TRAK2: variants seen among roughly 807,000 people sequenced by gnomAD.
TRAK2 encodes trafficking kinesin protein 2, also known as trafficking kinesin-binding protein 2.
Under a neutral mutation model 104.6 loss-of-function variants are expected in TRAK2, and 81 were observed. That is an observed-to-expected ratio of 0.77 (90% CI 0.65 to 0.93). TRAK2 has a LOEUF of 0.93. Ranked by LOEUF, TRAK2 falls within the 40% of genes least tolerant of loss-of-function variation. The pLI, the probability that TRAK2 is intolerant of heterozygous loss-of-function variation, is 0.00. For synonymous variants in TRAK2, 406 were observed against 394.4 expected (o/e 1.03, Z -0.35); for missense variants, 1,002 against 1,089.0 (o/e 0.92, Z 1.12).
intron 3 of TRAK2, among the ~76,000 whole-genome samples, chr2:201,401,705 T>C (rs972931723): frequency 3.9e-5 from 6 of 152,104 alleles, no homozygotes; most frequent in African/African-American, 1.4e-4. Flanking sequence ...ATAAATTGTA[T>C]GCTACATTAT....
Position 201,380,745 on chromosome 2 carries a change from T to C in TRAK2, c.2543A>G (p.Lys848Arg), listed in dbSNP as rs1327142854. ...LKRLGIARVV[K>R]NPGAQENGRC... The stretch of plus-strand genomic sequence containing the variant: ...TCCATTCTCTTGGGCACCAGGGTTC[T>C]TGACCACTCTGGCTATCCCCAGTCT... Residue 848 changes from lysine to arginine, a missense_variant, in exon 16 of 16, where the codon AAG becomes AGG. Lys to Arg is a conservative substitution (Grantham distance 26). Transcript: ENST00000332624. The C allele has an allele frequency of 6.2e-7, 1 of 1,614,128 alleles. No homozygotes were observed. The highest frequency in any genetic ancestry group is 8.5e-7 in the Non-Finnish European group (1 of 1,180,002).
At chr2:201,418,836 G>A (rs1222300990) in intron 2 of TRAK2, among the ~76,000 whole-genome samples, 2 of 152,174 alleles carry the variant, frequency 1.3e-5, no homozygotes, top group Non-Finnish European at 1.5e-5. Flanking sequence ...TCTTAGAAAC[G>A]ACACAAAAAT....
intron 9 of TRAK2, among the ~76,000 whole-genome samples, chr2:201,394,350 T>TC (rs1211781224): frequency 2.7e-5 from 4 of 149,958 alleles, no homozygotes; most frequent in African/African-American, 9.7e-5. Context: ...TTTCTTTCTT[T>TC]TTTTTTTTTT....
At chr2:201,411,110 A>G in intron 2 of TRAK2, 1 of 982,430 alleles carries the variant, frequency 1.0e-6, no homozygotes, top group South Asian at 1.4e-5. Flanking sequence ...TACTTGAAGC[A>G]GAAGGTTTAG....
intron 1 of TRAK2, among the ~76,000 whole-genome samples, chr2:201,434,118 C>T (rs926747290): frequency 4.6e-5 from 7 of 152,122 alleles, no homozygotes; most frequent in South Asian, 2.1e-4. Flanking sequence ...CCACCGCGCC[C>T]GGCTAATTTT....
At chr2:201,411,935 T>C in intron 2 of TRAK2, 1 of 1,004,014 alleles carries the variant, frequency 1.0e-6, no homozygotes, top group Non-Finnish European at 1.6e-6. Flanking sequence ...CTCCTGGTAT[T>C]GAATGGAAGG....
chr2:201,398,170 T>C lies in TRAK2; in HGVS notation c.665A>G (p.Glu222Gly). ...MLQEKLKELEEENMALRSKAC... is the reference protein window; with the variant it reads ...MLQEKLKELEGENMALRSKAC... ...CTTGGATCGAAGAGCCATATTCTCT[T>C]CTTCCAGTTCCTTGAGCTTTTCTTG... The change falls in exon 6 of 16, where the codon GAA (glutamate) becomes GGA (glycine). Residue 222 changes from glutamate (E) to glycine (G), a missense_variant. By Grantham distance (98) the Glu-to-Gly change is moderately conservative. Coordinates refer to ENST00000332624, the MANE Select transcript of TRAK2 (RefSeq NM_015049.3). 2 of 1,613,700 alleles carry C rather than the reference T, an allele frequency of 1.2e-6. No individual in the cohort carries two copies. Among genetic ancestry groups the C allele is most frequent in the Non-Finnish European group, 8.5e-7 (1 of 1,179,650 alleles).
intron 2 of TRAK2, chr2:201,412,143 G>A: frequency 9.9e-7 from 1 of 1,010,560 alleles, no homozygotes; most frequent in Non-Finnish European, 1.6e-6. Flanking sequence ...ACGATCAGTA[G>A]AACACTGGGC....
intron 5 of TRAK2, among the ~76,000 whole-genome samples, 176 bp from the exon 6 acceptor site, chr2:201,398,530 C>T (rs551025306): frequency 6.6e-6 from 1 of 152,052 alleles, no homozygotes; most frequent in South Asian, 2.1e-4. Context: ...ACCCCAGATA[C>T]CTCCTAAGTT....
chr2:201,417,768 A>G (rs1255875030), intron 2 of TRAK2, among the ~76,000 whole-genome samples: 1 of 152,206 alleles, frequency 6.6e-6, no homozygotes, highest in African/African-American at 2.4e-5. Context: ...TTGAAAAGGA[A>G]TATGTAAAAT....
chr2:201,411,137 GCT>G, intron 2 of TRAK2: 1 of 822,654 alleles, frequency 1.2e-6, no homozygotes, highest in Non-Finnish European at 2.1e-6. Flanking sequence ...TAACAGAAAG[GCT>G]AGTCAAAGAT....
intron 1 of TRAK2, among the ~76,000 whole-genome samples, chr2:201,428,636 T>A (rs1951812161): frequency 6.6e-6 from 1 of 152,238 alleles, no homozygotes; most frequent in Non-Finnish European, 1.5e-5. Flanking sequence ...GGCTTAGGAT[T>A]GTCTTGGCAA....
rs1477404776 is a variant in TRAK2, at chr2:201,394,760, T to C, written c.975+38A>G. On this transcript the variant is annotated intron_variant, in intron 9 of 15. Transcript: ENST00000332624. ...GAAGATGAAAGAAACTAGTCACTCT[T>C]TCCCCTCCTGAATTACACAAGATAA... The C allele has an allele frequency of 2.6e-6, 4 of 1,530,134 alleles. No individual in the cohort carries two copies. The African/African-American group carries it at 5.5e-5, about 21-fold the overall frequency. 94.8% of individuals were successfully genotyped at this position (1,530,134 alleles called of 1,614,324 possible). A position where few individuals can be genotyped will look rare whatever the true frequency, so the allele number is the denominator to read the frequency against.
chr2:201,438,666 C>T lies in TRAK2; in HGVS notation c.-200+12684G>A, dbSNP rs983498802. ...AGCCTCAGATAATTCTACTACAATCCTATGTCTCTACTCCACTTTTTAAAA... is the reference window on the plus strand; with the variant it reads ...AGCCTCAGATAATTCTACTACAATCTTATGTCTCTACTCCACTTTTTAAAA... On this transcript the variant is annotated intron_variant, in intron 1 of 15. Coordinates refer to ENST00000332624, the MANE Select transcript of TRAK2 (RefSeq NM_015049.3). 5.3e-5 allele frequency among the ~76,000 whole-genome samples: 8 copies of T among 152,248 alleles called. No homozygotes were observed. The South Asian group carries it at 1.7e-3, about 32-fold the overall frequency.
In TRAK2 at chr2:201,394,177, A is replaced by T. The variant is rs575001929; in HGVS notation, c.975+621T>A. On this transcript the variant is annotated intron_variant, in intron 9 of 15. Transcript: ENST00000332624. ...CACCTGCACAAAGATTTACTACTAG[A>T]ACTTATCTTATTTTAAAAACTGTTG... Among the ~76,000 whole-genome samples the T allele has an allele frequency of 3.9e-5, 6 of 152,236 alleles. No homozygotes were observed. In the South Asian group the frequency reaches 1.2e-3, roughly 32 times the overall value.
intron 2 of TRAK2, among the ~76,000 whole-genome samples, chr2:201,409,620 C>A (rs750010914): frequency 6.6e-6 from 1 of 152,162 alleles, no homozygotes; most frequent in Non-Finnish European, 1.5e-5. Flanking sequence ...GGTTAGCCAA[C>A]GAAATGTAGG....
At chr2:201,407,365 T>G in intron 3 of TRAK2, 38 bp downstream of exon 3, 1 of 1,561,140 alleles carries the variant, frequency 6.4e-7, no homozygotes, top group Non-Finnish European at 8.7e-7. Context: ...TGATCATTAC[T>G]TTAATGCACA....
intron 1 of TRAK2, among the ~76,000 whole-genome samples, chr2:201,433,990 C>G (rs979868131): frequency 6.6e-6 from 1 of 151,934 alleles, no homozygotes; most frequent in Non-Finnish European, 1.5e-5. Context: ...CCGAGTCTCG[C>G]TCTTTTGCCC....
intron 1 of TRAK2, among the ~76,000 whole-genome samples, chr2:201,441,301 T>C (rs1951918209): frequency 6.6e-6 from 1 of 152,234 alleles, no homozygotes; most frequent in Admixed American, 6.5e-5. Flanking sequence ...GTCAGTCTCA[T>C]AGGAAAGCCA....
Sources: gnomAD v4.1 joint callset for allele counts (sites outside exome capture counted in the v4.1 genomes callset) on GRCh38, gnomAD v4.1.1 for gene constraint, MANE v1.5 for transcripts, NCBI Gene and HGNC (gene_info 2026-07-23, HGNC 2026-07-21) for gene names.